DSG1: variants seen among roughly 807,000 people sequenced by gnomAD.
The protein encoded by DSG1 is desmoglein-1.
DSG1 carries 39 observed loss-of-function variants against 97.5 expected under a neutral mutation model. That is an observed-to-expected ratio of 0.40 (90% CI 0.31 to 0.52). The LOEUF is 0.52. DSG1 is among the 20% of genes least tolerant of loss of function. The pLI is 0.53. For missense variants in DSG1, 1,311 were observed against 1,295.4 expected (o/e 1.01, Z -0.18); for synonymous variants, 475 against 443.4 (o/e 1.07, Z -0.90).
chr18:31,323,083 C>G (rs759985224), intron 1 of DSG1, among the ~76,000 whole-genome samples: 1 of 152,108 alleles, frequency 6.6e-6, no homozygotes, highest in Non-Finnish European at 1.5e-5. Flanking sequence ...GACTTTTAGT[C>G]TCATATACAG....
chr18:31,328,354 C>A lies in DSG1; in HGVS notation c.372+10C>A. ...CACTCCTTTCTTCATTGTAAGTGGA[C>A]TTCATGTCAATATATATGTTCATGC... On this transcript the variant is annotated intron_variant, in intron 4 of 14. Coordinates refer to ENST00000257192, the MANE Select transcript of DSG1 (RefSeq NM_001942.4). 6.2e-7 allele frequency: 1 copy of A among 1,609,642 alleles called. No homozygotes were observed. Among genetic ancestry groups the A allele is most frequent in the Non-Finnish European group, 8.5e-7 (1 of 1,176,312 alleles).
At position 31,355,584 on chromosome 18, in the gene DSG1, T is replaced by C; in HGVS notation, c.*238T>C. 2 of 550,540 alleles carry C rather than the reference T, an allele frequency of 3.6e-6. No individual in the cohort carries two copies. The highest frequency in any genetic ancestry group is 3.3e-6 in the Non-Finnish European group (1 of 306,866). 34.1% of individuals were successfully genotyped at this position (550,540 alleles called of 1,614,324 possible). On this transcript the variant is annotated 3_prime_UTR_variant, in exon 15 of 15. Transcript: ENST00000257192. The stretch of plus-strand genomic sequence containing the variant: ...AGGAACTAAAACTTGAGGCAGAGTC[T>C]TCTTTGTGCCTGAGTGGCCTGTAGT...
intron 3 of DSG1, 130 bp downstream of exon 3, chr18:31,327,135 T>C (rs577072575): frequency 2.4e-5 from 29 of 1,188,808 alleles, no homozygotes; most frequent in Middle Eastern, 2.0e-4. Context: ...TATAGTCACC[T>C]AGATGATGAA....
chr18:31,329,817 G>C, intron 4 of DSG1, 75 bp from the exon 5 acceptor site: 2 of 1,538,878 alleles, frequency 1.3e-6, no homozygotes, highest in Admixed American at 1.7e-5. Flanking sequence ...TCGCCACAGT[G>C]CTAGCATAAT....
Position 31,343,583 on chromosome 18 carries a change from G to T in DSG1, c.1821G>T (p.Arg607Ser), listed in dbSNP as rs1285854431. 6.2e-7 allele frequency: 1 copy of T among 1,613,982 alleles called. No individual in the cohort carries two copies. Among genetic ancestry groups the T allele is most frequent in the Non-Finnish European group, 8.5e-7 (1 of 1,179,994 alleles). ...WAVEGPQPEP[R>S]DITTVIPQIP... Reference sequence around the variant, plus strand: ...TAGAAGGACCACAGCCTGAACCCAGGGTAAGTGCCACATTCTAAGAAATAG... The same window carrying T: ...TAGAAGGACCACAGCCTGAACCCAGTGTAAGTGCCACATTCTAAGAAATAG... Residue 607 changes from arginine to serine, a missense_variant and splice_region_variant, in exon 12 of 15, where the codon AGG (arginine) becomes AGT (serine). By Grantham distance (110) the Arg-to-Ser change is moderately radical. Coordinates refer to ENST00000257192, the MANE Select transcript of DSG1 (RefSeq NM_001942.4).
Position 31,354,060 on chromosome 18 carries a change from G to A in DSG1, c.2101-237G>A. 3 of 506,626 alleles carry A rather than the reference G, an allele frequency of 5.9e-6. No individual in the cohort carries two copies. In the South Asian group the frequency reaches 7.1e-5, roughly 12 times the overall value. 31.4% of individuals were successfully genotyped at this position (506,626 alleles called of 1,614,324 possible). A position where few individuals can be genotyped will look rare whatever the true frequency, so the allele number is the denominator to read the frequency against. On this transcript the variant is annotated intron_variant, in intron 14 of 14. Transcript: ENST00000257192. The stretch of plus-strand genomic sequence containing the variant: ...GTCCAAAGTACACAATTATAAATAA[G>A]TCCATCTAAGTAAATTTTTAAAATC...
Position 31,355,219 on chromosome 18 carries a change from G to C in DSG1, c.3023G>C (p.Gly1008Ala). The change falls in exon 15 of 15, where the codon GGG becomes GCG. Residue 1008 changes from glycine (G) to alanine (A), a missense_variant. By Grantham distance (60) the Gly-to-Ala change is moderately conservative (BLOSUM62 0). This residue lies in a region of DSG1 where 1,038 missense variants were observed against 964.6 expected (regional missense o/e 1.08). Transcript: ENST00000257192. Reference sequence around the variant, plus strand: ...GGCATTGGCCTGAGCAGCTTGGGAGGGACAGCCAGCATTGGCCACATGAGG... The same window carrying C: ...GGCATTGGCCTGAGCAGCTTGGGAGCGACAGCCAGCATTGGCCACATGAGG... ...GGGIGLSSLG[G>A]TASIGHMRSS... 6.2e-7 allele frequency: 1 copy of C among 1,604,212 alleles called. No homozygotes were observed. The highest frequency in any genetic ancestry group is 2.2e-5 in the East Asian group (1 of 44,714).
chr18:31,350,548 A>G (rs1338421541), intron 14 of DSG1, among the ~76,000 whole-genome samples: 2 of 150,496 alleles, frequency 1.3e-5, no homozygotes, highest in Non-Finnish European at 3.0e-5. Flanking sequence ...GAATGGTACC[A>G]GTTCCTCCTT....
At chr18:31,353,435 C>T (rs2071919487) in intron 14 of DSG1, among the ~76,000 whole-genome samples, 1 of 151,436 alleles carries the variant, frequency 6.6e-6, no homozygotes, top group African/African-American at 2.4e-5. Context: ...TTGTCTGTGC[C>T]CTGCCCCCAG....
chr18:31,358,795 C>T lies in DSG1; in HGVS notation c.*3449C>T, dbSNP rs2071979449. On this transcript the variant is annotated 3_prime_UTR_variant, in exon 15 of 15. Transcript: ENST00000257192. Reference sequence around the variant, plus strand: ...TTACAATTTCTGGATTTTTAAGACCCATTTCACATTGCACTAGGATACAGC... The same window carrying T: ...TTACAATTTCTGGATTTTTAAGACCTATTTCACATTGCACTAGGATACAGC... 6.6e-6 allele frequency among the ~76,000 whole-genome samples: 1 copy of T among 151,910 alleles called. No homozygotes were observed.
intron 4 of DSG1, among the ~76,000 whole-genome samples, chr18:31,329,041 T>C (rs1437858443): frequency 6.6e-6 from 1 of 152,098 alleles, no homozygotes; most frequent in Non-Finnish European, 1.5e-5. Context: ...CAAACTCCCA[T>C]AATTATTTCT....
At chr18:31,322,603 C>T (rs951151213) in intron 1 of DSG1, among the ~76,000 whole-genome samples, 1 of 152,036 alleles carries the variant, frequency 6.6e-6, no homozygotes, top group Admixed American at 6.5e-5. Context: ...TTTGTCAGAG[C>T]AGTACAAAGG....
intron 1 of DSG1, among the ~76,000 whole-genome samples, chr18:31,322,810 A>AT (rs1266541375): frequency 9.9e-5 from 15 of 152,200 alleles, no homozygotes; most frequent in African/African-American, 1.4e-4. Flanking sequence ...AATGCAAGAG[A>AT]TTTTTTAAAT....
chr18:31,343,910 G>A lies in DSG1; in HGVS notation c.1822-16G>A, dbSNP rs368834340. 1.2e-6 allele frequency: 2 copies of A among 1,600,424 alleles called. No individual in the cohort carries two copies. The highest frequency in any genetic ancestry group is 1.3e-5 in the African/African-American group (1 of 74,462). On this transcript the variant is annotated splice_polypyrimidine_tract_variant and intron_variant, in intron 12 of 14. Transcript: ENST00000257192. Reference sequence around the variant, plus strand: ...ATTGGTCACTACAAATGGAAATGTTGTTTCCTGTCTTTTAGGATATAACCA... The same window carrying A: ...ATTGGTCACTACAAATGGAAATGTTATTTCCTGTCTTTTAGGATATAACCA...
At position 31,343,956 on chromosome 18, in the gene DSG1, C is replaced by A. The variant is rs768020915; in HGVS notation, c.1852C>A (p.Pro618Thr). Residue 618 changes from proline (P) to threonine (T), a missense_variant, in exon 13 of 15, where the codon CCT becomes ACT. Physicochemically the swap from Pro to Thr is conservative, Grantham distance 38. Transcript: ENST00000257192. ...AACCACTGTCATACCACAAATACCA[C>A]CTGATAACGCAAATATAATTGAATG... ...DITTVIPQIP[P>T]DNANIIECID... The A allele has an allele frequency of 2.7e-5, 43 of 1,613,078 alleles. No homozygotes were observed. The highest frequency in any genetic ancestry group is 5.0e-5 in the Admixed American group (3 of 59,988).
chr18:31,341,923 C>CATTTGTTT (rs1209060596), intron 11 of DSG1, among the ~76,000 whole-genome samples: 2 of 144,100 alleles, frequency 1.4e-5, no homozygotes, highest in East Asian at 3.9e-4. Context: ...TTTTTTTGTT[C>CATTTGTTT]TTTTGTTTTT....
Position 31,355,034 on chromosome 18 carries a change from C to T in DSG1, c.2838C>T (p.Ala946=). ...SLSMHPELAN[A]HNVIVTERVV... ...GTATGCACCCCGAGTTAGCCAATGC[C>T]CACAATGTCATTGTGACAGAGAGGG... Residue 946 remains alanine (A), a synonymous_variant, in exon 15 of 15, where the codon GCC becomes GCT. Coordinates refer to ENST00000257192, the MANE Select transcript of DSG1 (RefSeq NM_001942.4). 6.2e-7 allele frequency: 1 copy of T among 1,614,158 alleles called. No individual in the cohort carries two copies. Among genetic ancestry groups the T allele is most frequent in the Non-Finnish European group, 8.5e-7 (1 of 1,180,016 alleles).
At chr18:31,352,376 G>A (rs1346215093) in intron 14 of DSG1, among the ~76,000 whole-genome samples, 3 of 151,074 alleles carry the variant, frequency 2.0e-5, no homozygotes, top group African/African-American at 4.9e-5. Context: ...AGGGTAACCC[G>A]ACCTTTCTCT....
intron 3 of DSG1, among the ~76,000 whole-genome samples, chr18:31,327,831 T>G (rs2071695870): frequency 6.6e-6 from 1 of 152,196 alleles, no homozygotes; most frequent in Non-Finnish European, 1.5e-5. Flanking sequence ...GCAAAGAGTT[T>G]CCTTCTGTAG....
Sources: allele counts gnomAD v4.1 joint callset (sites outside exome capture counted in the v4.1 genomes callset), GRCh38; gene constraint gnomAD v4.1.1; regional missense constraint gnomAD v4.1.1; transcripts MANE v1.5; gene names NCBI Gene and HGNC (gene_info 2026-07-23, HGNC 2026-07-21).